Variants in PIK3C2G observed in about 807,000 individuals in gnomAD.
The protein encoded by PIK3C2G is phosphatidylinositol 3-kinase C2 domain-containing subunit gamma.
PIK3C2G carries 168 observed loss-of-function variants against 181.1 expected under a neutral mutation model. The observed-to-expected ratio is 0.93, with a 90% confidence interval of 0.82 to 1.05. PIK3C2G has a LOEUF of 1.05. Ranked by LOEUF, PIK3C2G falls within the 50% of genes least tolerant of loss-of-function variation. The pLI, the probability that PIK3C2G is intolerant of heterozygous loss-of-function variation, is 0.00. For synonymous variants in PIK3C2G, 573 were observed against 592.2 expected (o/e 0.97, Z 0.47); for missense variants, 1,869 against 1,732.8 (o/e 1.08, Z -1.40).
chr12:18,485,662 T>C (rs1310030830), intron 18 of PIK3C2G, among the ~76,000 whole-genome samples: 1 of 152,232 alleles, frequency 6.6e-6, no homozygotes, highest in Non-Finnish European at 1.5e-5. Flanking sequence ...AACAGGTCTC[T>C]GGCATTTTAA....
intron 29 of PIK3C2G, among the ~76,000 whole-genome samples, chr12:18,578,825 T>G (rs1946352985): frequency 6.6e-6 from 1 of 152,086 alleles, no homozygotes; most frequent in Admixed American, 6.6e-5. Flanking sequence ...ACAAATTCTC[T>G]TTTCTCTTGT....
chr12:18,541,959 G>A (rs1944175584), intron 25 of PIK3C2G, among the ~76,000 whole-genome samples: 1 of 151,848 alleles, frequency 6.6e-6, no homozygotes, highest in Admixed American at 6.6e-5. Flanking sequence ...GGTGGGGAGA[G>A]AACTATTATA....
At position 18,605,196 on chromosome 12, in the gene PIK3C2G, G is replaced by A. The variant is rs773535557; in HGVS notation, c.4088-4339G>A. On this transcript the variant is annotated intron_variant, in intron 30 of 32. Transcript: ENST00000538779. ...AAATAACTTCATGGAGAAATGAAAC[G>A]GGAGATATTACAACAGATACCACTG... Among the ~76,000 whole-genome samples, 46 of 152,064 alleles carry A rather than the reference G, an allele frequency of 3.0e-4. 1 individual carries two copies. The highest frequency in any genetic ancestry group is 1.4e-4 in the African/African-American group (6 of 41,414).
At chr12:18,454,945 G>A (rs1947545391) in intron 18 of PIK3C2G, among the ~76,000 whole-genome samples, 1 of 152,100 alleles carries the variant, frequency 6.6e-6, no homozygotes, top group African/African-American at 2.4e-5. Flanking sequence ...CCTTAGCTGG[G>A]TTCTCTCCTC....
chr12:18,399,723 T>A lies in PIK3C2G; in HGVS notation c.2191T>A (p.Ser731Thr). Residue 731 changes from serine (S) to threonine (T), a missense_variant, in exon 16 of 33, where the codon TCC becomes ACC. Coordinates refer to ENST00000538779, the MANE Select transcript of PIK3C2G (RefSeq NM_001288772.2). The stretch of plus-strand genomic sequence containing the variant: ...CTTCTACTGCAATAATGAAAACTGC[T>A]CCCTTCCTTTAGTCCTGGGTAGTGC... ...YRFYCNNENCSLPLVLGSAPG... is the reference protein window; with the variant it reads ...YRFYCNNENCTLPLVLGSAPG... The A allele has an allele frequency of 1.2e-6, 2 of 1,603,670 alleles. No individual in the cohort carries two copies. Among genetic ancestry groups the A allele is most frequent in the Non-Finnish European group, 1.7e-6 (2 of 1,172,422 alleles).
chr12:18,655,071 G>C, the PIK3C2G span, among the ~76,000 whole-genome samples: 1 of 151,546 alleles, frequency 6.6e-6, no homozygotes, highest in East Asian at 2.0e-4. Flanking sequence ...AAATACCAGA[G>C]GCTTTTGATG....
the PIK3C2G span, among the ~76,000 whole-genome samples, chr12:18,724,794 T>C: frequency 6.6e-6 from 1 of 152,094 alleles, no homozygotes; most frequent in Non-Finnish European, 1.5e-5. Context: ...AGCAAGTCAA[T>C]AAAAATTTAA....
chr12:18,395,084 C>CTTTCTTTCTTTCTTTCTTTCTTTCTTTCT (rs1353162233), intron 15 of PIK3C2G, among the ~76,000 whole-genome samples: 60 of 141,580 alleles, frequency 4.2e-4, no homozygotes, highest in Admixed American at 2.0e-3. Flanking sequence ...TCTTTCATTC[C>CTTTCTTTCTTTCTTTCTTTCTTTCTTTCT]TTCTTTCTTT....
chr12:18,660,261 G>A, the PIK3C2G span, among the ~76,000 whole-genome samples: 2 of 152,062 alleles, frequency 1.3e-5, no homozygotes, highest in Non-Finnish European at 2.9e-5. Flanking sequence ...ACAGCTTGCC[G>A]AAACCAGCAG....
chr12:18,500,816 T>G (rs919275855), intron 22 of PIK3C2G, among the ~76,000 whole-genome samples: 2 of 152,070 alleles, frequency 1.3e-5, no homozygotes, highest in Admixed American at 1.3e-4. Context: ...CTCTCGCTCT[T>G]TGCAATAAAT....
At chr12:18,338,661 A>ATGTG (rs1565613430) in intron 9 of PIK3C2G, 113 bp downstream of exon 9, 6 of 544,838 alleles carry the variant, frequency 1.1e-5, no homozygotes, top group Middle Eastern at 1.1e-3. Context: ...GTTTGTGTGT[A>ATGTG]TCTGTGTGTG....
chr12:18,679,931 T>G, the PIK3C2G span, among the ~76,000 whole-genome samples: 1 of 151,990 alleles, frequency 6.6e-6, no homozygotes, highest in Non-Finnish European at 1.5e-5. Context: ...CCACTTCAAT[T>G]CAACCCTCCA....
intron 24 of PIK3C2G, among the ~76,000 whole-genome samples, chr12:18,525,876 T>A (rs1943197549): frequency 6.6e-6 from 1 of 152,208 alleles, no homozygotes; most frequent in South Asian, 2.1e-4. Flanking sequence ...TACACCCAGA[T>A]GATCAAAATA....
intron 16 of PIK3C2G, among the ~76,000 whole-genome samples, chr12:18,416,287 C>A (rs898925348): frequency 1.3e-5 from 2 of 151,660 alleles, no homozygotes; most frequent in African/African-American, 2.4e-5. Context: ...AGGAAGAAAG[C>A]AAGCAAGCCG....
intron 13 of PIK3C2G, among the ~76,000 whole-genome samples, chr12:18,379,778 A>C (rs1942710372): frequency 6.6e-6 from 1 of 152,166 alleles, no homozygotes; most frequent in South Asian, 2.1e-4. Flanking sequence ...CACAGGCACC[A>C]TAGACCCTCT....
At chr12:18,296,445 C>T (rs1449735428) in intron 5 of PIK3C2G, among the ~76,000 whole-genome samples, 1 of 151,942 alleles carries the variant, frequency 6.6e-6, no homozygotes, top group East Asian at 1.9e-4. Flanking sequence ...ATATTAGAAG[C>T]CAAGAATGGT....
chr12:18,705,563 C>G, the PIK3C2G span, among the ~76,000 whole-genome samples: 1 of 152,022 alleles, frequency 6.6e-6, no homozygotes. Flanking sequence ...TCAGTGAGTA[C>G]TTATTTAAAT....
chr12:18,465,400 C>T (rs1390133431), intron 18 of PIK3C2G, among the ~76,000 whole-genome samples: 1 of 151,816 alleles, frequency 6.6e-6, no homozygotes, highest in Admixed American at 6.6e-5. Context: ...ATAGGTTTTG[C>T]TTTCTTTGTC....
At chr12:18,697,212 C>A in the PIK3C2G span, among the ~76,000 whole-genome samples, 1 of 151,978 alleles carries the variant, frequency 6.6e-6, no homozygotes, top group South Asian at 2.1e-4. Flanking sequence ...TTTGCTAAAC[C>A]AACTAGAATA....
Sources: allele counts gnomAD v4.1 joint callset (sites outside exome capture counted in the v4.1 genomes callset), GRCh38; gene constraint gnomAD v4.1.1; transcripts MANE v1.5; gene names NCBI Gene and HGNC (gene_info 2026-07-23, HGNC 2026-07-21).